The following MALRD1 variants were observed in gnomAD, a reference collection of about 807,000 sequenced individuals.
MALRD1 encodes the protein MAM and LDL-receptor class A domain-containing protein 1.
MALRD1 carries 247 observed loss-of-function variants against 242.1 expected under a neutral mutation model. The observed-to-expected ratio is 1.02, with a 90% CI of 0.92 to 1.13. The LOEUF is 1.13. MALRD1 is among the 50% of genes most tolerant of loss of function. MALRD1 has a pLI of 0.00. For synonymous variants in MALRD1, 995 were observed against 866.6 expected, an observed-to-expected ratio of 1.15 and a Z score of -2.60; for missense variants, 2,989 against 2,533.1, an observed-to-expected ratio of 1.18 and a Z score of -3.86.
intron 28 of MALRD1, among the ~76,000 whole-genome samples, chr10:19,435,558 T>A (rs984817954): frequency 6.6e-6 from 1 of 152,142 alleles, no homozygotes; most frequent in African/African-American, 2.4e-5. Context: ...TGGTATTTAA[T>A]CTGATGCTTT....
intron 14 of MALRD1, among the ~76,000 whole-genome samples, chr10:19,197,667 C>T (rs766579409): frequency 6.6e-6 from 1 of 152,168 alleles, no homozygotes; most frequent in African/African-American, 2.4e-5. Context: ...ACCCAGTTGC[C>T]AACTTTTCTA....
intron 18 of MALRD1, among the ~76,000 whole-genome samples, chr10:19,237,744 T>C: frequency 9.0e-6 from 1 of 111,724 alleles, no homozygotes; most frequent in East Asian, 2.7e-4. Flanking sequence ...ATATATAATT[T>C]ATATATAAAA....
chr10:19,145,942 A>C (rs1351393976), intron 10 of MALRD1, among the ~76,000 whole-genome samples: 8 of 152,144 alleles, frequency 5.3e-5, no homozygotes, highest in Admixed American at 2.6e-4. Context: ...TGCATCATTA[A>C]ATAAAATGGA....
At chr10:19,319,630 G>T (rs1455501409) in intron 21 of MALRD1, among the ~76,000 whole-genome samples, 1 of 152,020 alleles carries the variant, frequency 6.6e-6, no homozygotes, top group African/African-American at 2.4e-5. Context: ...CATGGTGCTG[G>T]CGGAATTGGT....
At chr10:19,455,168 A>C (rs1464321809) in intron 29 of MALRD1, among the ~76,000 whole-genome samples, 5 of 152,298 alleles carry the variant, frequency 3.3e-5, no homozygotes, top group Admixed American at 6.5e-5. Context: ...AAGTTGGTTT[A>C]AAAATGGTTT....
intron 19 of MALRD1, among the ~76,000 whole-genome samples, chr10:19,264,000 T>C (rs1321560152): frequency 6.6e-6 from 1 of 152,180 alleles, no homozygotes; most frequent in Non-Finnish European, 1.5e-5. Flanking sequence ...CTTTTTACCA[T>C]TGAGTGTGAT....
intron 24 of MALRD1, among the ~76,000 whole-genome samples, chr10:19,339,241 A>T (rs1843733205): frequency 6.6e-6 from 1 of 152,122 alleles, no homozygotes; most frequent in African/African-American, 2.4e-5. Context: ...ATGATCAATT[A>T]AAGTTTCTAT....
intron 2 of MALRD1, among the ~76,000 whole-genome samples, chr10:19,074,854 G>A (rs2131265159): frequency 6.6e-6 from 1 of 152,032 alleles, no homozygotes; most frequent in East Asian, 1.9e-4. Context: ...AGACACAATT[G>A]AAAAAATTCA....
intron 19 of MALRD1, among the ~76,000 whole-genome samples, chr10:19,265,177 T>A (rs1013313806): frequency 6.6e-6 from 1 of 152,066 alleles, no homozygotes; most frequent in Non-Finnish European, 1.5e-5. Flanking sequence ...AAAATTAATT[T>A]TGAGTTTCAT....
At chr10:19,569,651 ATT>A (rs982657078) in intron 33 of MALRD1, among the ~76,000 whole-genome samples, 110 of 147,428 alleles carry the variant, frequency 7.5e-4, no homozygotes, top group African/African-American at 2.6e-3. Flanking sequence ...ATGTATATAT[ATT>A]ATAAAATGTA....
intron 24 of MALRD1, among the ~76,000 whole-genome samples, chr10:19,342,086 TAA>T (rs1843908221): frequency 6.6e-6 from 1 of 152,164 alleles, no homozygotes. Context: ...CTTTTTGCAG[TAA>T]GTTTATATTA....
intron 38 of MALRD1, among the ~76,000 whole-genome samples, chr10:19,724,058 T>TAAAAATA (rs977913830): frequency 6.6e-6 from 1 of 152,186 alleles, no homozygotes; most frequent in Non-Finnish European, 1.5e-5. Context: ...ACTCTGTCTC[T>TAAAAATA]AAAAATAAAA....
intron 14 of MALRD1, among the ~76,000 whole-genome samples, chr10:19,184,390 G>T (rs1041042247): frequency 2.0e-5 from 3 of 152,082 alleles, no homozygotes; most frequent in Non-Finnish European, 2.9e-5. Flanking sequence ...TCTCCTGGAC[G>T]GGTTATTTGA....
intron 28 of MALRD1, among the ~76,000 whole-genome samples, chr10:19,418,864 A>T (rs1478383728): frequency 6.6e-6 from 1 of 152,172 alleles, no homozygotes. Flanking sequence ...CAGTTTTGGG[A>T]TTGGCCTCCT....
chr10:19,122,425 G>A (rs1286809706), intron 5 of MALRD1, among the ~76,000 whole-genome samples: 1 of 152,076 alleles, frequency 6.6e-6, no homozygotes, highest in Admixed American at 6.6e-5. Flanking sequence ...TCAATAAGAA[G>A]AGATCAAGAA....
At chr10:19,274,289 G>T (rs1481293665) in intron 19 of MALRD1, among the ~76,000 whole-genome samples, 1 of 152,134 alleles carries the variant, frequency 6.6e-6, no homozygotes, top group Non-Finnish European at 1.5e-5. Context: ...ATATCATGCA[G>T]CCTTAAGGGG....
intron 2 of MALRD1, among the ~76,000 whole-genome samples, chr10:19,069,934 T>C (rs1835091634): frequency 6.6e-6 from 1 of 152,144 alleles, no homozygotes; most frequent in Non-Finnish European, 1.5e-5. Flanking sequence ...TTTATTCAGG[T>C]ATTTCTTCTG....
At chr10:19,457,945 A>C (rs945399796) in intron 29 of MALRD1, among the ~76,000 whole-genome samples, 5 of 151,952 alleles carry the variant, frequency 3.3e-5, no homozygotes, top group African/African-American at 1.2e-4. Context: ...TTCAGTAAGG[A>C]AAGGGCGGGA....
At chr10:19,525,663 C>G (rs1834070214) in intron 31 of MALRD1, among the ~76,000 whole-genome samples, 1 of 152,072 alleles carries the variant, frequency 6.6e-6, no homozygotes. Flanking sequence ...ATCTTAAGAA[C>G]TTATAATCAT....
Sources: allele counts gnomAD v4.1 joint callset (sites outside exome capture counted in the v4.1 genomes callset), GRCh38; gene constraint gnomAD v4.1.1; transcripts MANE v1.5; gene names NCBI Gene and HGNC (gene_info 2026-07-23, HGNC 2026-07-21).